Variants in NEBL observed in about 807,000 individuals in gnomAD.
NEBL encodes LIM and SH3 protein 2.
Under a neutral mutation model 140.2 loss-of-function variants are expected in NEBL, and 122 were observed. The ratio of observed to expected loss-of-function variants is 0.87; its 90% CI spans 0.75 to 1.01. NEBL has a LOEUF of 1.01. NEBL is among the 50% of genes least tolerant of loss of function. The pLI is 0.00. For synonymous variants in NEBL, 436 were observed against 398.9 expected (o/e 1.09, Z -1.11); for missense variants, 1,365 against 1,231.3 (o/e 1.11, Z -1.62).
chr10:20,825,777 C>T (rs941304592), intron 18 of NEBL, among the ~76,000 whole-genome samples: 23 of 152,028 alleles, frequency 1.5e-4, no homozygotes, highest in East Asian at 7.7e-4. Context: ...ACAATTTATC[C>T]GTAATATTAA....
intron 2 of NEBL, among the ~76,000 whole-genome samples, chr10:21,153,986 G>C (rs1321056082): frequency 1.3e-5 from 2 of 152,064 alleles, no homozygotes; most frequent in African/African-American, 4.8e-5. Flanking sequence ...ACACAGACAT[G>C]ATATACATAT....
chr10:21,175,661 C>G (rs73609221), upstream of NEBL, among the ~76,000 whole-genome samples: 4,546 of 152,246 alleles, frequency 0.03, 242 homozygotes, highest in African/African-American at 0.1. Context: ...TTCAACAGCC[C>G]CTGAGCCACT....
At chr10:20,885,020 T>C (rs1846372841) in intron 4 of NEBL, among the ~76,000 whole-genome samples, 1 of 152,254 alleles carries the variant, frequency 6.6e-6, no homozygotes, top group African/African-American at 2.4e-5. Flanking sequence ...TTTATCATTC[T>C]AGTTTGAATT....
In NEBL at chr10:20,831,644, C is replaced by T. The variant is rs1363547017; in HGVS notation, c.1450-61G>A. ...ATCATTTGAGAAACTGCTCAAAAATCGAGATGTCATTTTGACATTAAGACC... is the reference window on the plus strand; with the variant it reads ...ATCATTTGAGAAACTGCTCAAAAATTGAGATGTCATTTTGACATTAAGACC... On this transcript the variant is annotated intron_variant, in intron 14 of 27. Transcript: ENST00000377122. The T allele has an allele frequency of 3.5e-5, 38 of 1,088,108 alleles. 1 individual carries two copies. The highest frequency in any genetic ancestry group is 1.0e-4 in the South Asian group (8 of 79,086). The allele number at this position is 1,088,108 out of a possible 1,614,324, so 67.4% of individuals were successfully genotyped here.
At chr10:20,901,491 T>C (rs940034302), upstream of NEBL, among the ~76,000 whole-genome samples, 11 of 152,236 alleles carry the variant, frequency 7.2e-5, no homozygotes, top group Admixed American at 1.3e-4. Context: ...TGATAGAACA[T>C]GTACTTTTCC....
intron 11 of NEBL, 111 bp from the exon 12 acceptor site, chr10:20,845,479 C>T: frequency 1.4e-6 from 1 of 700,014 alleles, no homozygotes; most frequent in East Asian, 2.7e-5. Context: ...GGTAGTTCTA[C>T]CACCTGAGGG....
chr10:21,083,535 G>A (rs966667782), intron 2 of NEBL, among the ~76,000 whole-genome samples: 1 of 152,102 alleles, frequency 6.6e-6, no homozygotes, highest in Non-Finnish European at 1.5e-5. Context: ...AAGATCATCA[G>A]CCACTATATA....
intron 7 of NEBL, among the ~76,000 whole-genome samples, chr10:20,864,129 G>A (rs902173369): frequency 1.3e-5 from 2 of 152,010 alleles, no homozygotes; most frequent in African/African-American, 4.8e-5. Context: ...TTTCCTTGAG[G>A]TTATAAAACT....
chr10:21,138,622 A>G (rs1001668613), intron 2 of NEBL, among the ~76,000 whole-genome samples: 5 of 152,262 alleles, frequency 3.3e-5, no homozygotes, highest in South Asian at 4.2e-4. Flanking sequence ...TAAAAAAACT[A>G]TACTCCAGGT....
intron 2 of NEBL, chr10:21,028,990 G>C: frequency 1.7e-6 from 1 of 592,476 alleles, no homozygotes; most frequent in East Asian, 2.8e-5. Context: ...TTGCTTTCCC[G>C]CTCCCAACAT....
At chr10:20,921,270 G>A (rs911890549) in intron 4 of NEBL, among the ~76,000 whole-genome samples, 10 of 152,022 alleles carry the variant, frequency 6.6e-5, no homozygotes, top group African/African-American at 2.4e-4. Context: ...GCACCTACCT[G>A]AGTATTCTCC....
At chr10:20,982,056 T>C (rs1837069150) in intron 3 of NEBL, among the ~76,000 whole-genome samples, 3 of 152,324 alleles carry the variant, frequency 2.0e-5, no homozygotes. Flanking sequence ...TTCTCCTGTA[T>C]CATACCTTTC....
upstream of NEBL, among the ~76,000 whole-genome samples, chr10:21,176,601 C>T (rs1317963823): frequency 2.0e-5 from 3 of 152,206 alleles, no homozygotes; most frequent in Non-Finnish European, 4.4e-5. Context: ...AGAAACCTGT[C>T]CTCTAGCCAG....
chr10:20,826,639 G>A, intron 17 of NEBL, 100 bp from the exon 18 acceptor site: 2 of 846,296 alleles, frequency 2.4e-6, no homozygotes, highest in South Asian at 2.8e-5. Context: ...ATAATAATAT[G>A]AATACTGCAT....
At chr10:21,196,711 G>T (rs1274835725) in intron 3 of NEBL, among the ~76,000 whole-genome samples, 1 of 152,092 alleles carries the variant, frequency 6.6e-6, no homozygotes, top group African/African-American at 2.4e-5. Flanking sequence ...CTCTCCACTT[G>T]ACTGGCTTCA....
intron 3 of NEBL, among the ~76,000 whole-genome samples, chr10:21,224,287 A>G (rs1311108181): frequency 3.9e-5 from 6 of 152,138 alleles, no homozygotes; most frequent in Non-Finnish European, 4.4e-5. Flanking sequence ...TCTTCAATGC[A>G]TGTTCTTGGC....
At chr10:21,262,304 AG>A (rs1842749295) in intron 1 of NEBL, among the ~76,000 whole-genome samples, 1 of 152,166 alleles carries the variant, frequency 6.6e-6, no homozygotes, top group Non-Finnish European at 1.5e-5. Flanking sequence ...GCTGGGGAAG[AG>A]GTTAAACTGA....
At chr10:21,230,934 C>A (rs1307043268) in intron 3 of NEBL, among the ~76,000 whole-genome samples, 4 of 152,026 alleles carry the variant, frequency 2.6e-5, no homozygotes, top group South Asian at 2.1e-4. Context: ...GAAAAGGAAC[C>A]CCCATGCCAG....
At chr10:20,848,982 T>G (rs1842229417) in intron 11 of NEBL, among the ~76,000 whole-genome samples, 1 of 152,196 alleles carries the variant, frequency 6.6e-6, no homozygotes, top group Non-Finnish European at 1.5e-5. Context: ...TGAGAGTTTT[T>G]TTGTCTACAA....
Sources: allele counts gnomAD v4.1 joint callset (sites outside exome capture counted in the v4.1 genomes callset), GRCh38; gene constraint gnomAD v4.1.1; transcripts MANE v1.5; gene names NCBI Gene and HGNC (gene_info 2026-07-23, HGNC 2026-07-21).